EPS15: variants seen among roughly 807,000 people sequenced by gnomAD.
EPS15 encodes the protein epidermal growth factor receptor pathway substrate 15.
EPS15 carries 72 observed loss-of-function variants against 113.8 expected under a neutral mutation model. The ratio of observed to expected loss-of-function variants is 0.63; its 90% confidence interval spans 0.52 to 0.77. The LOEUF (loss-of-function observed/expected upper bound fraction) is 0.77, where lower values mean the gene tolerates loss of function less well. Ranked by LOEUF, EPS15 falls within the 30% of genes least tolerant of loss-of-function variation. The pLI is 0.00. For missense variants in EPS15, 1,048 were observed against 1,045.8 expected (o/e 1.00, Z -0.03); for synonymous variants, 344 against 363.4 (o/e 0.95, Z 0.61).
At chr1:51,384,159 T>C (rs184366771) in intron 21 of EPS15, among the ~76,000 whole-genome samples, 52 of 152,280 alleles carry the variant, frequency 3.4e-4, no homozygotes, top group African/African-American at 1.2e-3. Flanking sequence ...CCCAAAGATA[T>C]CTACAGATTC....
chr1:51,362,234 G>A (rs1249876221), intron 23 of EPS15, among the ~76,000 whole-genome samples: 1 of 152,128 alleles, frequency 6.6e-6, no homozygotes, highest in Non-Finnish European at 1.5e-5. Flanking sequence ...CAATAATCCT[G>A]TGAAAGTAGG....
chr1:51,357,426 A>ATATATATTTTT (rs1443627608), intron 24 of EPS15, among the ~76,000 whole-genome samples: 6 of 53,542 alleles, frequency 1.1e-4, no homozygotes, highest in African/African-American at 5.8e-4. Context: ...ATATATATAT[A>ATATATATTTTT]TTTTTTTTTT....
chr1:51,412,027 A>G (rs1222880833), intron 13 of EPS15, among the ~76,000 whole-genome samples: 3 of 152,246 alleles, frequency 2.0e-5, no homozygotes, highest in African/African-American at 7.2e-5. Context: ...CTATGCAGCC[A>G]TAAAAAAGAA....
At chr1:51,434,138 T>A (rs1024869154) in intron 12 of EPS15, among the ~76,000 whole-genome samples, 3 of 152,218 alleles carry the variant, frequency 2.0e-5, no homozygotes, top group African/African-American at 7.2e-5. Flanking sequence ...TCAAAGGAAA[T>A]CCTTGACACA....
intron 19 of EPS15, 152 bp from the exon 20 acceptor site, chr1:51,399,317 G>A: frequency 1.6e-6 from 1 of 643,098 alleles, no homozygotes; most frequent in South Asian, 2.1e-5. Flanking sequence ...TTGGGAGGCT[G>A]AGACAGGCAG....
intron 2 of EPS15, among the ~76,000 whole-genome samples, chr1:51,477,855 A>C (rs1461851989): frequency 6.6e-6 from 1 of 152,116 alleles, no homozygotes; most frequent in Admixed American, 6.5e-5. Context: ...ACATTTGCTG[A>C]GGAGTGCTTT....
intron 2 of EPS15, among the ~76,000 whole-genome samples, chr1:51,475,734 TTA>T (rs1160337916): frequency 6.6e-6 from 1 of 152,246 alleles, no homozygotes; most frequent in Non-Finnish European, 1.5e-5. Context: ...TGTTGGTGTT[TTA>T]GTCATGAAGT....
chr1:51,361,147 A>G (rs201572085), intron 24 of EPS15, 24 bp downstream of exon 24: 4 of 1,570,808 alleles, frequency 2.5e-6, no homozygotes, highest in African/African-American at 1.4e-5. Flanking sequence ...TTTCTCCCCC[A>G]AACAGCTCAT....
In EPS15 at chr1:51,409,435, C is replaced by A. The variant is rs1368533845; in HGVS notation, c.1275+100G>T. 6 of 1,167,554 alleles carry A rather than the reference C, an allele frequency of 5.1e-6. No homozygotes were observed. The Admixed American group carries it at 1.5e-4, about 29-fold the overall frequency. The allele number at this position is 1,167,554 out of a possible 1,614,324, so 72.3% of individuals were successfully genotyped here. On this transcript the variant is annotated intron_variant, in intron 14 of 24. Coordinates refer to ENST00000371733, the MANE Select transcript of EPS15 (RefSeq NM_001981.3). ...ACCCAAATGCTGACTGGATTGCCAA[C>A]CACCACCATCAATAACAAAAAGTAG...
chr1:51,387,993 C>T (rs1647136814), intron 21 of EPS15, among the ~76,000 whole-genome samples: 1 of 152,182 alleles, frequency 6.6e-6, no homozygotes, highest in Non-Finnish European at 1.5e-5. Flanking sequence ...ACAGAACTCT[C>T]CACCACAAAT....
At position 51,463,745 on chromosome 1, in the gene EPS15, A is replaced by G. The variant is rs1188723293; in HGVS notation, c.429T>C (p.Asn143=). ...TCACTTTATCACCAGACAGAAATCC[A>G]TTCACTGGGCTTAAACTATCAAATA... ...DAIFDSLSPV[N]GFLSGDKVKP... Residue 143 remains asparagine (N), a synonymous_variant, in exon 7 of 25, where the codon AAT becomes AAC. Coordinates refer to ENST00000371733, the MANE Select transcript of EPS15 (RefSeq NM_001981.3). The G allele has an allele frequency of 6.2e-7, 1 of 1,604,258 alleles. No homozygotes were observed. Among genetic ancestry groups the G allele is most frequent in the East Asian group, 2.2e-5 (1 of 44,684 alleles).
intron 19 of EPS15, among the ~76,000 whole-genome samples, chr1:51,399,624 T>G (rs940044855): frequency 4.0e-5 from 6 of 151,834 alleles, no homozygotes; most frequent in Non-Finnish European, 8.8e-5. Flanking sequence ...TTTGGGAGGT[T>G]GAGGTAGACG....
At chr1:51,480,452 A>G (rs944079862) in intron 2 of EPS15, among the ~76,000 whole-genome samples, 1 of 152,222 alleles carries the variant, frequency 6.6e-6, no homozygotes, top group African/African-American at 2.4e-5. Context: ...CCATACCAAC[A>G]CAAATGAATA....
chr1:51,508,282 A>AAGAG (rs1233949709), intron 1 of EPS15, among the ~76,000 whole-genome samples: 2,199 of 142,018 alleles, frequency 0.015, 46 homozygotes, highest in Non-Finnish European at 0.025. Flanking sequence ...GAAAGAGAGA[A>AAGAG]AGAGAGAAAG....
chr1:51,493,054 C>T (rs368260740), intron 1 of EPS15, among the ~76,000 whole-genome samples: 1 of 150,554 alleles, frequency 6.6e-6, no homozygotes, highest in Non-Finnish European at 1.5e-5. Flanking sequence ...AGTGAAACCC[C>T]GTCTCTACTA....
At chr1:51,474,923 C>T (rs772797470) in intron 2 of EPS15, among the ~76,000 whole-genome samples, 3 of 147,294 alleles carry the variant, frequency 2.0e-5, no homozygotes, top group Non-Finnish European at 3.0e-5. Flanking sequence ...TGAGTGAGAA[C>T]ATGCGGTGTT....
chr1:51,442,584 T>C (rs987859674), intron 11 of EPS15, among the ~76,000 whole-genome samples: 1 of 151,820 alleles, frequency 6.6e-6, no homozygotes, highest in Non-Finnish European at 1.5e-5. Flanking sequence ...CAAAATGTTT[T>C]CTCTTACCCT....
chr1:51,519,002 G>C (rs1644787687), intron 1 of EPS15, among the ~76,000 whole-genome samples, 197 bp downstream of exon 1: 1 of 151,348 alleles, frequency 6.6e-6, no homozygotes, highest in Non-Finnish European at 1.5e-5. Context: ...CGAGGTCGCG[G>C]CGGCCGCAGG....
At chr1:51,366,843 G>C (rs1646518524) in intron 21 of EPS15, among the ~76,000 whole-genome samples, 2 of 152,054 alleles carry the variant, frequency 1.3e-5, no homozygotes, top group Non-Finnish European at 2.9e-5. Flanking sequence ...GGCACTAATG[G>C]CATTCTAGTT....
Sources: gnomAD v4.1 joint callset for allele counts (sites outside exome capture counted in the v4.1 genomes callset) on GRCh38, gnomAD v4.1.1 for gene constraint, MANE v1.5 for transcripts, NCBI Gene and HGNC (gene_info 2026-07-23, HGNC 2026-07-21) for gene names.